SERPINI2: variants seen among roughly 807,000 people sequenced by gnomAD.
SERPINI2 encodes the protein serpin family I member 2, also known as serpin I2.
SERPINI2 carries 48 observed loss-of-function variants against 47.3 expected under a neutral mutation model. The observed-to-expected ratio is 1.02, with a 90% CI of 0.81 to 1.29. The LOEUF (loss-of-function observed/expected upper bound fraction) is 1.29. Ranked by LOEUF, SERPINI2 falls within the 50% of genes most tolerant of loss-of-function variation. SERPINI2 has a pLI of 0.00. For missense variants in SERPINI2, 448 were observed against 456.9 expected, an observed-to-expected ratio of 0.98 and a Z score of 0.18; for synonymous variants, 135 against 149.3, an observed-to-expected ratio of 0.90 and a Z score of 0.70.
intron 7 of SERPINI2, among the ~76,000 whole-genome samples, chr3:167,448,207 G>C (rs563753970): frequency 6.6e-6 from 1 of 152,180 alleles, no homozygotes; most frequent in East Asian, 1.9e-4. Context: ...TGGCCTAGAA[G>C]AGTGGTTCTC....
chr3:167,457,129 C>G (rs769274903), intron 5 of SERPINI2, among the ~76,000 whole-genome samples: 4 of 152,174 alleles, frequency 2.6e-5, no homozygotes, highest in Non-Finnish European at 5.9e-5. Flanking sequence ...CTCACAAAGA[C>G]TATGGCTATT....
chr3:167,460,415 T>C (rs1749951447), intron 5 of SERPINI2, among the ~76,000 whole-genome samples: 1 of 152,214 alleles, frequency 6.6e-6, no homozygotes, highest in South Asian at 2.1e-4. Flanking sequence ...TTCAGAACTT[T>C]TAATCCATGA....
At chr3:167,448,790 G>T (rs1749556953) in intron 7 of SERPINI2, among the ~76,000 whole-genome samples, 1 of 152,010 alleles carries the variant, frequency 6.6e-6, no homozygotes, top group African/African-American at 2.4e-5. Flanking sequence ...CCAAAGTGCT[G>T]GGATTACAGG....
chr3:167,455,500 T>A (rs1749759840), intron 5 of SERPINI2, among the ~76,000 whole-genome samples: 1 of 151,880 alleles, frequency 6.6e-6, no homozygotes, highest in Non-Finnish European at 1.5e-5. Flanking sequence ...TGGGTTTGTG[T>A]TATCATCTGA....
chr3:167,442,035 T>C, exon 9 of SERPINI2: 1 of 1,151,836 alleles, frequency 8.7e-7, no homozygotes, highest in East Asian at 2.5e-5. Flanking sequence ...GAGCAAATAT[T>C]GTCAAGATGA....
At chr3:167,466,835 A>G (rs1038686440) in intron 3 of SERPINI2, among the ~76,000 whole-genome samples, 2 of 152,098 alleles carry the variant, frequency 1.3e-5, no homozygotes, top group Admixed American at 6.5e-5. Context: ...GTATCTCTCA[A>G]AAGAAAATAA....
intron 6 of SERPINI2, among the ~76,000 whole-genome samples, chr3:167,451,356 T>C (rs375819302): frequency 4.6e-5 from 7 of 152,236 alleles, no homozygotes; most frequent in African/African-American, 1.7e-4. Flanking sequence ...TATATAAATA[T>C]AAGGTAGTGT....
rs775246520 is a variant in SERPINI2 at position 167,449,445 on chromosome 3, A to G, written c.965-43T>C. On this transcript the variant is annotated intron_variant, in intron 6 of 8. Transcript: ENST00000264677. Reference sequence around the variant, plus strand: ...CACAAAAGTGTATTTAAGAGTTAAAATCAAAAGCCGTTACCTATTAGATCT... The same window carrying G: ...CACAAAAGTGTATTTAAGAGTTAAAGTCAAAAGCCGTTACCTATTAGATCT... The G allele has an allele frequency of 4.8e-6, 6 of 1,239,502 alleles. No individual in the cohort carries two copies. In the Admixed American group the frequency reaches 1.2e-4, roughly 25 times the overall value. The allele number at this position is 1,239,502 out of a possible 1,614,324, so 76.8% of individuals were successfully genotyped here. A position where few individuals can be genotyped will look rare whatever the true frequency, so the allele number is the denominator to read the frequency against.
At chr3:167,461,983 T>C (rs192388456) in intron 5 of SERPINI2, among the ~76,000 whole-genome samples, 1 of 152,218 alleles carries the variant, frequency 6.6e-6, no homozygotes, top group Non-Finnish European at 1.5e-5. Flanking sequence ...TGGGTCACCT[T>C]CTCTTTATAC....
chr3:167,442,019 GAT>G, exon 9 of SERPINI2: 1 of 962,268 alleles, frequency 1.0e-6, no homozygotes, highest in Non-Finnish European at 1.5e-6. Flanking sequence ...AAAGACATAA[GAT>G]ATAGAGCAAA....
At chr3:167,455,988 A>T (rs968864094) in intron 5 of SERPINI2, among the ~76,000 whole-genome samples, 4 of 152,134 alleles carry the variant, frequency 2.6e-5, no homozygotes, top group African/African-American at 9.7e-5. Context: ...TGGGGACATA[A>T]ATCCAAACCA....
intron 2 of SERPINI2, among the ~76,000 whole-genome samples, chr3:167,468,614 A>T (rs76083330): frequency 0.01 from 1,549 of 152,158 alleles, 21 homozygotes; most frequent in African/African-American, 0.036. Context: ...TTTCAGATAT[A>T]AAAAAAACTT....
chr3:167,453,025 A>G, exon 6 of SERPINI2: 1 of 1,547,686 alleles, frequency 6.5e-7, no homozygotes, highest in Non-Finnish European at 8.8e-7. Flanking sequence ...TTTTTGTTCT[A>G]CTTTAAATCT....
chr3:167,446,119 G>A (rs1749471891), intron 8 of SERPINI2, among the ~76,000 whole-genome samples: 1 of 152,100 alleles, frequency 6.6e-6, no homozygotes, highest in South Asian at 2.1e-4. Flanking sequence ...TTCTTTACTA[G>A]TCAAATATCT....
At chr3:167,469,941 G>C (rs1750257632) in intron 2 of SERPINI2, among the ~76,000 whole-genome samples, 5 of 152,054 alleles carry the variant, frequency 3.3e-5, no homozygotes, top group Admixed American at 3.3e-4. Context: ...TATTAAATGA[G>C]AGAATATATA....
In SERPINI2 at chr3:167,465,450, T is replaced by A. The variant is rs750537796; in HGVS notation, c.673+29A>T. On this transcript the variant is annotated intron_variant, in intron 4 of 8. Coordinates refer to ENST00000264677, the Ensembl canonical transcript of SERPINI2. ...ATATACTTGGCAATTCTCAAGACTATGCTTAGGAACTGTGGTTTCTCACAT... is the reference window on the plus strand; with the variant it reads ...ATATACTTGGCAATTCTCAAGACTAAGCTTAGGAACTGTGGTTTCTCACAT... 26 of 1,608,680 alleles carry A rather than the reference T, an allele frequency of 1.6e-5. No homozygotes were observed. The Admixed American group carries it at 2.7e-4, about 17-fold the overall frequency.
intron 2 of SERPINI2, among the ~76,000 whole-genome samples, chr3:167,471,058 G>C (rs1319660791): frequency 6.6e-6 from 1 of 151,846 alleles, no homozygotes; most frequent in Non-Finnish European, 1.5e-5. Context: ...TCTTGGTCTC[G>C]TTACAGATGA....
At chr3:167,444,015 A>C (rs2108148312) in intron 8 of SERPINI2, among the ~76,000 whole-genome samples, 1 of 152,256 alleles carries the variant, frequency 6.6e-6, no homozygotes, top group South Asian at 2.1e-4. Flanking sequence ...TTACCTCCTA[A>C]TATTACAATA....
At chr3:167,448,554 G>C (rs1337436974) in intron 7 of SERPINI2, among the ~76,000 whole-genome samples, 5 of 151,800 alleles carry the variant, frequency 3.3e-5, no homozygotes, top group African/African-American at 9.7e-5. Context: ...ATGGAGTCTC[G>C]CTCTGTTGCC....
Sources: gnomAD v4.1 joint callset for allele counts (sites outside exome capture counted in the v4.1 genomes callset) on GRCh38, gnomAD v4.1.1 for gene constraint, MANE v1.5 for transcripts, NCBI Gene and HGNC (gene_info 2026-07-23, HGNC 2026-07-21) for gene names.